ZNF827: variants seen among roughly 807,000 people sequenced by gnomAD.
ZNF827 encodes the protein zinc finger protein 827.
In ZNF827, 13 loss-of-function variants were observed where a neutral mutation model predicts 102.4. That is an observed-to-expected ratio of 0.13 (90% CI 0.08 to 0.20). The LOEUF (loss-of-function observed/expected upper bound fraction) is 0.20. Among genes scored for constraint, ZNF827 ranks in the 10% least tolerant of loss-of-function variants. The probability of loss-of-function intolerance (pLI) is 1.00; values close to 1 mark genes in which losing one functional copy is unlikely to be tolerated. For missense variants in ZNF827, 1,103 were observed against 1,344.4 expected, an observed-to-expected ratio of 0.82 and a Z score of 2.81; for synonymous variants, 523 against 536.2, an observed-to-expected ratio of 0.98 and a Z score of 0.34.
At chr4:145,904,288 C>CT (rs1751653469) in intron 1 of ZNF827, among the ~76,000 whole-genome samples, 1 of 152,208 alleles carries the variant, frequency 6.6e-6, no homozygotes, top group South Asian at 2.1e-4. Context: ...ATGAACAAAA[C>CT]TAAGATCCTG....
intron 2 of ZNF827, among the ~76,000 whole-genome samples, chr4:145,894,481 A>C (rs564361499): frequency 3.3e-5 from 5 of 152,204 alleles, no homozygotes; most frequent in Non-Finnish European, 7.4e-5. Context: ...TAATCTCATC[A>C]TGTATTTACT....
chr4:145,910,584 C>G (rs1314114472), intron 1 of ZNF827, among the ~76,000 whole-genome samples: 1 of 152,184 alleles, frequency 6.6e-6, no homozygotes, highest in African/African-American at 2.4e-5. Context: ...TGTCATCCCC[C>G]ACCTGTACTA....
intron 9 of ZNF827, among the ~76,000 whole-genome samples, chr4:145,777,265 A>G (rs375654250): frequency 1.3e-5 from 2 of 152,298 alleles, no homozygotes; most frequent in East Asian, 1.9e-4. Flanking sequence ...TGAATAAGTG[A>G]GGTTGTTAAG....
At chr4:145,913,777 T>C (rs1579556293) in intron 1 of ZNF827, among the ~76,000 whole-genome samples, 1 of 152,224 alleles carries the variant, frequency 6.6e-6, no homozygotes. Flanking sequence ...CTAAGGCTGA[T>C]AAATCGGTTG....
At chr4:145,786,056 G>C (rs1399802687) in intron 8 of ZNF827, among the ~76,000 whole-genome samples, 1 of 152,094 alleles carries the variant, frequency 6.6e-6, no homozygotes, top group Non-Finnish European at 1.5e-5. Flanking sequence ...AGGTAAACAT[G>C]GTATTACTGA....
Position 145,849,305 on chromosome 4 carries a change from C to T in ZNF827, c.2221+17G>A, listed in dbSNP as rs770584264. 3.1e-6 allele frequency: 5 copies of T among 1,601,648 alleles called. No homozygotes were observed. Among genetic ancestry groups the T allele is most frequent in the Non-Finnish European group, 4.3e-6 (5 of 1,170,482 alleles). Reference sequence around the variant, plus strand: ...AATGATTTCCAATAATTGACATTTTCCTGTGCATAAACATACCTGACAGTT... The same window carrying T: ...AATGATTTCCAATAATTGACATTTTTCTGTGCATAAACATACCTGACAGTT... On this transcript the variant is annotated intron_variant, in intron 6 of 14. Coordinates refer to ENST00000508784, the MANE Select transcript of ZNF827 (RefSeq NM_001306215.2).
chr4:145,913,303 G>T (rs1752424003), intron 1 of ZNF827, among the ~76,000 whole-genome samples: 1 of 151,792 alleles, frequency 6.6e-6, no homozygotes. Context: ...GTGCATGCCT[G>T]TGGTCCCAGC....
intron 11 of ZNF827, among the ~76,000 whole-genome samples, chr4:145,768,916 T>TATATATATATATATATATATATAAA (rs34051922): frequency 2.9e-5 from 1 of 34,416 alleles, no homozygotes; most frequent in Non-Finnish European, 5.2e-5. Context: ...TATATATATA[T>TATATATATATATATATATATATAAA]TAGGTATACA....
intron 8 of ZNF827, among the ~76,000 whole-genome samples, chr4:145,796,270 C>T (rs1740368464): frequency 1.3e-5 from 2 of 152,162 alleles, no homozygotes; most frequent in Admixed American, 1.3e-4. Context: ...ATAATTGTTC[C>T]TAAAACAAAC....
intron 8 of ZNF827, among the ~76,000 whole-genome samples, chr4:145,783,438 A>G (rs779419762): frequency 2.0e-5 from 3 of 152,214 alleles, no homozygotes; most frequent in African/African-American, 7.2e-5. Context: ...TCATGATTCT[A>G]TTAGTGGAAA....
At position 145,870,374 on chromosome 4, in the gene ZNF827, T is replaced by A. The variant is rs189390924; in HGVS notation, c.1852A>T (p.Ser618Cys). 109 of 1,614,178 alleles carry A rather than the reference T, an allele frequency of 6.8e-5. No homozygotes were observed. The highest frequency in any genetic ancestry group is 9.1e-5 in the Non-Finnish European group (107 of 1,180,026). The change falls in exon 5 of 15, where the codon AGC becomes TGC. Residue 618 changes from serine (S) to cysteine (C), a missense_variant. Transcript: ENST00000508784. ...TTLPRSSYVF[S>C]PESEVSAPGV... ...GGGGCTGACACTTCAGATTCCGGGC[T>A]GAACACATAGCTGGACCGAGGCAAA...
rs745468947 is a variant in ZNF827 at position 145,761,046 on chromosome 4, G to C, written c.*570C>G. The C allele has an allele frequency of 2.8e-4, 367 of 1,287,892 alleles. No homozygotes were observed. Among genetic ancestry groups the C allele is most frequent in the Non-Finnish European group, 3.5e-4 (345 of 987,574 alleles). The allele number at this position is 1,287,892 out of a possible 1,614,324, so 79.8% of individuals were successfully genotyped here. ...TGCCGTGGGCTGCCGACAGGGCCAC[G>C]GTCTGCAGAGCCTGGGAGGCAGACA... is the stretch of plus-strand genomic sequence containing the variant. On this transcript the variant is annotated 3_prime_UTR_variant, in exon 15 of 15. Transcript: ENST00000508784. This position sits in a 1 kb window ranked among gnomAD's most constrained non-coding sequence, Gnocchi z 6.8.
At chr4:145,872,373 C>T (rs1304745648) in intron 4 of ZNF827, among the ~76,000 whole-genome samples, 1 of 152,076 alleles carries the variant, frequency 6.6e-6, no homozygotes, top group Non-Finnish European at 1.5e-5. Flanking sequence ...AAAGTCTGCA[C>T]GAGGACACAG....
chr4:145,938,058 A>C (rs1579618308), intron 1 of ZNF827, among the ~76,000 whole-genome samples: 1 of 135,920 alleles, frequency 7.4e-6, no homozygotes. Context: ...TCCCCCCAGC[A>C]ACCCAGAGTG....
chr4:145,918,872 G>A (rs1188540202), intron 1 of ZNF827, among the ~76,000 whole-genome samples: 1 of 152,206 alleles, frequency 6.6e-6, no homozygotes, highest in Admixed American at 6.5e-5. Flanking sequence ...TCCTCCTGGT[G>A]CAAATCCTCT....
In ZNF827 at chr4:145,902,194, CT is replaced by C; in HGVS notation, c.1064del (p.Lys355ArgfsTer40). 6.2e-7 allele frequency: 1 copy of C among 1,604,496 alleles called. No individual in the cohort carries two copies. On this transcript the variant is annotated frameshift_variant, in exon 2 of 15. Coordinates refer to ENST00000508784, the MANE Select transcript of ZNF827 (RefSeq NM_001306215.2). LOFTEE classifies it high-confidence loss of function. This position sits in a 1 kb window ranked among gnomAD's most constrained non-coding sequence, Gnocchi z 4.3. ...SLELLLLPVP[K>X]GRVSKPSNSA... Reference sequence around the variant, plus strand: ...AATTGGAGGGTTTAGAAACTCTTCCCTTAGGAACTGGGAGTAATAATAATTC... The same window carrying C: ...AATTGGAGGGTTTAGAAACTCTTCCCTAGGAACTGGGAGTAATAATAATTC...
intron 1 of ZNF827, among the ~76,000 whole-genome samples, chr4:145,921,064 A>G (rs887788662): frequency 2.6e-5 from 4 of 152,204 alleles, no homozygotes. Context: ...AGCATGTGGG[A>G]CAATGCAGGA....
intron 1 of ZNF827, among the ~76,000 whole-genome samples, chr4:145,927,483 G>T (rs950264521): frequency 1.4e-4 from 21 of 152,204 alleles, no homozygotes; most frequent in African/African-American, 5.1e-4. Context: ...TGATAAGACT[G>T]AGATGAACTC....
chr4:145,788,615 C>T (rs1049245438), intron 8 of ZNF827, among the ~76,000 whole-genome samples: 3 of 152,168 alleles, frequency 2.0e-5, no homozygotes, highest in African/African-American at 7.2e-5. Context: ...AAGATCAGGA[C>T]TGTTGTACTG....
Sources: gnomAD v4.1 joint callset for allele counts (sites outside exome capture counted in the v4.1 genomes callset) on GRCh38, gnomAD v4.1.1 for gene constraint, Gnocchi (gnomAD v3.1) non-coding constraint, MANE v1.5 for transcripts, NCBI Gene and HGNC (gene_info 2026-07-23, HGNC 2026-07-21) for gene names.